Variants in DHRSX observed in about 807,000 individuals in gnomAD.
DHRSX encodes the protein dehydrogenase/reductase X-linked.
A neutral mutation model predicts 34.0 loss-of-function variants in DHRSX; 31 were observed. The ratio of observed to expected loss-of-function variants is 0.91; its 90% CI spans 0.69 to 1.23. The LOEUF (loss-of-function observed/expected upper bound fraction) is 1.23, where lower values mean the gene tolerates loss of function less well. Among genes scored for constraint, DHRSX ranks in the 50% most tolerant of loss-of-function variants. The pLI, the probability that DHRSX is intolerant of heterozygous loss-of-function variation, is 0.00. For synonymous variants in DHRSX, 201 were observed against 183.8 expected (o/e 1.09, Z -0.76); for missense variants, 414 against 428.1 (o/e 0.97, Z 0.29).
intron 1 of DHRSX, among the ~76,000 whole-genome samples, chrX:2,463,313 C>A (rs1166238732): frequency 2.6e-5 from 4 of 152,086 alleles, no homozygotes; most frequent in Non-Finnish European, 5.9e-5. Flanking sequence ...AAGACTCCGT[C>A]TCAAAACAAC....
chrX:2,221,033 A>G lies in DHRSX; in HGVS notation c.*8T>C. On this transcript the variant is annotated 3_prime_UTR_variant, in exon 7 of 7. Transcript: ENST00000334651. ...TTCTTGGGGCAGCAGCTATCCTGAG[A>G]CAGGATATCACAGGGTCACATCAAG... is the stretch of plus-strand genomic sequence containing the variant. 1 of 1,612,442 alleles carries G rather than the reference A, an allele frequency of 6.2e-7. No individual in the cohort carries two copies. Among genetic ancestry groups the G allele is most frequent in the African/African-American group, 1.3e-5 (1 of 75,004 alleles).
intron 1 of DHRSX, among the ~76,000 whole-genome samples, chrX:2,480,922 C>A (rs149365167): frequency 2.0e-5 from 3 of 152,120 alleles, no homozygotes; most frequent in African/African-American, 4.8e-5. Flanking sequence ...TAATACATTG[C>A]GTTTTTCAAA....
chrX:2,250,978 A>T (rs959181512), intron 5 of DHRSX, among the ~76,000 whole-genome samples: 18 of 152,196 alleles, frequency 1.2e-4, no homozygotes. Context: ...GGGAAATCGC[A>T]GCCTGCAGCT....
intron 6 of DHRSX, among the ~76,000 whole-genome samples, chrX:2,236,640 C>G (rs2016022277): frequency 6.6e-6 from 1 of 152,070 alleles, no homozygotes; most frequent in African/African-American, 2.4e-5. Context: ...CCACGTTGGC[C>G]AGGCTGGTCT....
intron 6 of DHRSX, among the ~76,000 whole-genome samples, chrX:2,229,684 C>T (rs768953590): frequency 1.3e-5 from 2 of 152,008 alleles, no homozygotes; most frequent in East Asian, 3.9e-4. Context: ...TGTATGTGCA[C>T]GTGCATGAAT....
chrX:2,421,325 G>A (rs752160749), intron 2 of DHRSX, among the ~76,000 whole-genome samples: 3 of 152,096 alleles, frequency 2.0e-5, no homozygotes, highest in African/African-American at 7.2e-5. Flanking sequence ...GGTTGTAGTG[G>A]GCTGAGATCA....
At chrX:2,286,560 G>T (rs2041807492) in intron 4 of DHRSX, among the ~76,000 whole-genome samples, 1 of 152,158 alleles carries the variant, frequency 6.6e-6, no homozygotes, top group African/African-American at 2.4e-5. Flanking sequence ...AGAACCAAGA[G>T]GATTTGTCAA....
intron 3 of DHRSX, chrX:2,334,946 G>C (rs1387624646): frequency 6.6e-6 from 1 of 151,986 alleles, no homozygotes; most frequent in African/African-American, 2.4e-5. Flanking sequence ...TTGGGAGGTC[G>C]AGGCGGGCGG....
intron 6 of DHRSX, among the ~76,000 whole-genome samples, chrX:2,223,932 GC>G (rs1355340152): frequency 6.6e-6 from 1 of 152,168 alleles, no homozygotes; most frequent in Non-Finnish European, 1.5e-5. Flanking sequence ...CCACACTGCT[GC>G]TCTGGACAAA....
intron 3 of DHRSX, among the ~76,000 whole-genome samples, chrX:2,331,447 T>TTTTG (rs2042474741): frequency 1.0e-5 from 1 of 97,274 alleles, no homozygotes; most frequent in Non-Finnish European, 2.7e-5. Flanking sequence ...TTTTTTTTTT[T>TTTTG]TTTTTTTTTT....
At position 2,298,608 on chromosome X, in the gene DHRSX, A is replaced by ACACACACACGCACACACACACACACACG. The variant is rs1569485188; in HGVS notation, c.287-7006_287-7005insCGTGTGTGTGTGTGTGTGCGTGTGTGTG. ...CTCCTGCAGGCGCGTGTGTACACAC[A>ACACACACACGCACACACACACACACACG]CACACACACACACACACACACACAC... On this transcript the variant is annotated intron_variant, in intron 3 of 6. Coordinates refer to ENST00000334651, the MANE Select transcript of DHRSX (RefSeq NM_145177.3). Among the ~76,000 whole-genome samples, 70 of 60,086 alleles carry ACACACACACGCACACACACACACACACG rather than the reference A, an allele frequency of 1.2e-3. 5 individuals are homozygous for ACACACACACGCACACACACACACACACG. The highest frequency in any genetic ancestry group is 2.9e-3 in the African/African-American group (68 of 23,484). 39.4% of individuals were successfully genotyped at this position (60,086 alleles called of 152,430 possible).
In DHRSX at chrX:2,324,769, C is replaced by CTTTT. The variant is rs570670358; in HGVS notation, c.287-33170_287-33167dup. 6.3e-4 allele frequency among the ~76,000 whole-genome samples: 83 copies of CTTTT among 130,994 alleles called. 1 individual carries two copies. The highest frequency in any genetic ancestry group is 2.3e-3 in the African/African-American group (80 of 34,774). The allele number at this position is 130,994 out of a possible 152,430, so 85.9% of individuals were successfully genotyped here. On this transcript the variant is annotated intron_variant, in intron 3 of 6. Transcript: ENST00000334651. ...GTCCTCGGCAAGGCTTTTTTCTTTT[C>CTTTT]TTTTTTTTTTTTTTTTTGAGATGGA...
intron 3 of DHRSX, among the ~76,000 whole-genome samples, chrX:2,386,050 T>C (rs2043267264): frequency 6.6e-6 from 1 of 152,136 alleles, no homozygotes; most frequent in Non-Finnish European, 1.5e-5. Flanking sequence ...AAGAAAACTT[T>C]AATGAGAAAA....
chrX:2,246,449 C>T (rs900999686), intron 5 of DHRSX, among the ~76,000 whole-genome samples: 1 of 151,858 alleles, frequency 6.6e-6, no homozygotes, highest in African/African-American at 2.4e-5. Flanking sequence ...TGGTGAAACC[C>T]CATCTCTACT....
At chrX:2,263,732 C>T (rs770027141) in intron 5 of DHRSX, among the ~76,000 whole-genome samples, 10 of 151,952 alleles carry the variant, frequency 6.6e-5, no homozygotes, top group Admixed American at 5.2e-4. Flanking sequence ...AGGATGGTCT[C>T]GATCTCCTGA....
intron 1 of DHRSX, among the ~76,000 whole-genome samples, chrX:2,428,043 G>T (rs999420495): frequency 2.0e-5 from 3 of 152,050 alleles, no homozygotes; most frequent in African/African-American, 7.2e-5. Flanking sequence ...CTTATAAGCG[G>T]GAATTAAATA....
chrX:2,417,747 C>T (rs2043715148), intron 2 of DHRSX, among the ~76,000 whole-genome samples: 2 of 152,128 alleles, frequency 1.3e-5, no homozygotes, highest in Admixed American at 1.3e-4. Context: ...CTGAAGTAGA[C>T]TTCATTAAGA....
chrX:2,404,411 G>A (rs775226390), intron 3 of DHRSX, among the ~76,000 whole-genome samples: 57 of 152,242 alleles, frequency 3.7e-4, no homozygotes, highest in African/African-American at 1.3e-3. Context: ...GATGAAACAG[G>A]AATTTTAAAA....
At chrX:2,356,842 C>T (rs1227395589) in intron 3 of DHRSX, among the ~76,000 whole-genome samples, 1 of 152,126 alleles carries the variant, frequency 6.6e-6, no homozygotes, top group African/African-American at 2.4e-5. Context: ...ATAAAGTATG[C>T]AATACATAGA....
Sources: gnomAD v4.1 joint callset for allele counts (sites outside exome capture counted in the v4.1 genomes callset) on GRCh38, gnomAD v4.1.1 for gene constraint, MANE v1.5 for transcripts, NCBI Gene and HGNC (gene_info 2026-07-23, HGNC 2026-07-21) for gene names.